Variants in AKAP13 observed in about 807,000 individuals in gnomAD.
AKAP13 encodes A-kinase anchor protein 13.
A neutral mutation model predicts 264.5 loss-of-function variants in AKAP13; 80 were observed. The ratio of observed to expected loss-of-function variants is 0.30; its 90% confidence interval spans 0.25 to 0.36. The LOEUF (loss-of-function observed/expected upper bound fraction) is 0.36. Ranked by LOEUF, AKAP13 falls within the 10% of genes least tolerant of loss-of-function variation. The pLI is 1.00. For missense variants in AKAP13, 3,712 were observed against 3,435.2 expected, an observed-to-expected ratio of 1.08 and a Z score of -2.01; for synonymous variants, 1,380 against 1,250.2, an observed-to-expected ratio of 1.10 and a Z score of -2.19.
At chr15:85,383,554 T>G (rs988414655) in intron 1 of AKAP13, among the ~76,000 whole-genome samples, 1 of 152,252 alleles carries the variant, frequency 6.6e-6, no homozygotes, top group African/African-American at 2.4e-5. Context: ...TAGCTATTTC[T>G]TTCATAAAGA....
chr15:85,678,766 GGCTGAGGCAGGAGAATCACTT>G (rs2084401074), intron 14 of AKAP13, among the ~76,000 whole-genome samples: 1 of 152,064 alleles, frequency 6.6e-6, no homozygotes, highest in Admixed American at 6.5e-5. Context: ...TTACTTGGGA[GGCTGAGGCAGGAGAATCACTT>G]GAACCTGGGA....
chr15:85,579,335 G>A lies in AKAP13; in HGVS notation c.1267G>A (p.Glu423Lys), dbSNP rs974788782. The A allele has an allele frequency of 6.2e-6, 10 of 1,614,112 alleles. No individual in the cohort carries two copies. The highest frequency in any genetic ancestry group is 7.6e-6 in the Non-Finnish European group (9 of 1,180,042). Residue 423 changes from glutamate (E) to lysine (K), a missense_variant, in exon 7 of 37, where the codon GAA (glutamate) becomes AAA (lysine). Physicochemically the swap from Glu to Lys is moderately conservative, Grantham distance 56. Transcript: ENST00000394518. ...CCTTTCGTCCTGTGGAAACAGAAAT[G>A]AAGAAACTGGAACAAAATCTTCTGG... ...EGLSSCGNRN[E>K]ETGTKSSGMP...
At chr15:85,562,438 G>A (rs914125211) in intron 5 of AKAP13, among the ~76,000 whole-genome samples, 6 of 150,804 alleles carry the variant, frequency 4.0e-5, no homozygotes, top group African/African-American at 1.5e-4. Flanking sequence ...GGTGGCAAGC[G>A]CCTGTAATCC....
At chr15:85,634,256 T>C (rs2081982168) in intron 8 of AKAP13, among the ~76,000 whole-genome samples, 1 of 152,258 alleles carries the variant, frequency 6.6e-6, no homozygotes, top group Non-Finnish European at 1.5e-5. Context: ...TCTAGCTTTC[T>C]GCCTTATGCC....
At chr15:85,555,526 T>A in intron 5 of AKAP13, 1 of 1,201,762 alleles carries the variant, frequency 8.3e-7, no homozygotes, top group Non-Finnish European at 1.1e-6. Context: ...GCTTTGTTAA[T>A]CTTCATTGTT....
rs530059665 is a variant in AKAP13 at position 85,443,957 on chromosome 15, C to T, written c.-11-41753C>T. On this transcript the variant is annotated intron_variant, in intron 1 of 36. Coordinates refer to ENST00000394518, the MANE Select transcript of AKAP13 (RefSeq NM_007200.5). ...TTGTTTATTTTGTTGCCATAGTAAC[C>T]TTTTTGAAAACAGAAAGGTGGTTGA... is the stretch of plus-strand genomic sequence containing the variant. Among the ~76,000 whole-genome samples, 13 of 152,152 alleles carry T rather than the reference C, an allele frequency of 8.5e-5. No individual in the cohort carries two copies. In the South Asian group the frequency reaches 2.7e-3, roughly 32 times the overall value.
At chr15:85,706,001 A>G (rs1397870223) in intron 17 of AKAP13, among the ~76,000 whole-genome samples, 1 of 152,262 alleles carries the variant, frequency 6.6e-6, no homozygotes, top group African/African-American at 2.4e-5. Flanking sequence ...AGCACGCTGA[A>G]AAACATAGAT....
chr15:85,554,890 A>G (rs745807693), intron 5 of AKAP13, among the ~76,000 whole-genome samples: 1 of 152,184 alleles, frequency 6.6e-6, no homozygotes, highest in South Asian at 2.1e-4. Flanking sequence ...CAATTACCTT[A>G]TAAAACTTTT....
intron 5 of AKAP13, among the ~76,000 whole-genome samples, chr15:85,555,029 T>TC (rs547162338): frequency 1.5e-3 from 233 of 150,568 alleles, no homozygotes; most frequent in African/African-American, 5.3e-3. Context: ...CTATGTTCCC[T>TC]CCCCCCCAAA....
chr15:85,622,467 G>C (rs2081237690), intron 8 of AKAP13, among the ~76,000 whole-genome samples: 1 of 152,320 alleles, frequency 6.6e-6, no homozygotes, highest in African/African-American at 2.4e-5. Flanking sequence ...AGGATGAGAA[G>C]GCCGGAGCCA....
At chr15:85,456,613 A>T (rs537019376) in intron 1 of AKAP13, among the ~76,000 whole-genome samples, 1 of 147,508 alleles carries the variant, frequency 6.8e-6, no homozygotes, top group South Asian at 2.1e-4. Flanking sequence ...GCAGTGGCGC[A>T]ATCTTGGCTC....
intron 1 of AKAP13, among the ~76,000 whole-genome samples, chr15:85,475,785 T>C (rs1053155930): frequency 8.5e-5 from 13 of 152,212 alleles, no homozygotes; most frequent in African/African-American, 2.7e-4. Flanking sequence ...TTTGTACTTA[T>C]AGCTATAACT....
At chr15:85,713,352 T>C (rs997102751) in intron 19 of AKAP13, among the ~76,000 whole-genome samples, 1 of 152,224 alleles carries the variant, frequency 6.6e-6, no homozygotes, top group African/African-American at 2.4e-5. Flanking sequence ...TAATTACTTC[T>C]GCCTTCATTC....
intron 7 of AKAP13, among the ~76,000 whole-genome samples, chr15:85,582,512 C>T (rs2079167310): frequency 1.3e-5 from 2 of 152,162 alleles, no homozygotes; most frequent in African/African-American, 2.4e-5. Flanking sequence ...TATCTACAAG[C>T]CTGAAACTCC....
intron 1 of AKAP13, among the ~76,000 whole-genome samples, chr15:85,402,928 C>T (rs550582489): frequency 1.3e-5 from 2 of 152,236 alleles, no homozygotes; most frequent in South Asian, 2.1e-4. Context: ...AGCTGTGAGA[C>T]GTTTTTAATA....
intron 1 of AKAP13, among the ~76,000 whole-genome samples, chr15:85,450,681 G>C (rs927335720): frequency 6.6e-6 from 1 of 151,958 alleles, no homozygotes; most frequent in African/African-American, 2.4e-5. Context: ...GATTTTCATT[G>C]TGTTGACTCC....
At position 85,593,096 on chromosome 15, in the gene AKAP13, G is replaced by T. The variant is rs557574650; in HGVS notation, c.4161+7273G>T. Among the ~76,000 whole-genome samples the T allele has an allele frequency of 5.7e-4, 87 of 152,168 alleles. 1 individual carries two copies. The highest frequency in any genetic ancestry group is 3.5e-3 in the East Asian group (18 of 5,170). On this transcript the variant is annotated intron_variant, in intron 8 of 36. Transcript: ENST00000394518. The stretch of plus-strand genomic sequence containing the variant: ...AGGCTGAGGCAGGTGGATCACATGA[G>T]GCCAGGAGTTCGAGACCAGCCTGGC...
Position 85,655,509 on chromosome 15 carries a change from T to C in AKAP13, c.4467T>C (p.Ser1489=). The C allele has an allele frequency of 1.2e-6, 2 of 1,614,146 alleles. No individual in the cohort carries two copies. The highest frequency in any genetic ancestry group is 2.7e-5 in the African/African-American group (2 of 75,056). The change falls in exon 11 of 37, where the codon AGT becomes AGC. Residue 1489 remains serine (S), a synonymous_variant. Transcript: ENST00000394518. Reference sequence around the variant, plus strand: ...TGGACCGACATTCTTCTCATGGCAGTGATGTGTCTCTCTCCCAGATTTTAA... The same window carrying C: ...TGGACCGACATTCTTCTCATGGCAGCGATGTGTCTCTCTCCCAGATTTTAA... The part of the protein sequence containing the change: ...ASLDRHSSHG[S]DVSLSQILKP...
chr15:85,569,240 A>G (rs2078717427), intron 5 of AKAP13, among the ~76,000 whole-genome samples: 1 of 152,102 alleles, frequency 6.6e-6, no homozygotes, highest in Non-Finnish European at 1.5e-5. Flanking sequence ...AGAGACTTTG[A>G]GTCAAGAGAA....
Sources: allele counts gnomAD v4.1 joint callset (sites outside exome capture counted in the v4.1 genomes callset), GRCh38; gene constraint gnomAD v4.1.1; transcripts MANE v1.5; gene names NCBI Gene and HGNC (gene_info 2026-07-23, HGNC 2026-07-21).